ATP6V1A: variants seen among roughly 807,000 people sequenced by gnomAD.
The protein encoded by ATP6V1A is V-type proton ATPase catalytic subunit A.
ATP6V1A carries 18 observed loss-of-function variants against 70.1 expected under a neutral mutation model. The ratio of observed to expected loss-of-function variants is 0.26; its 90% CI spans 0.18 to 0.38. ATP6V1A has a LOEUF of 0.38. ATP6V1A is among the 10% of genes least tolerant of loss of function. The probability of loss-of-function intolerance (pLI) is 1.00; values close to 1 mark genes in which losing one functional copy is unlikely to be tolerated. For missense variants in ATP6V1A, 424 were observed against 772.4 expected (o/e 0.55, Z 5.35); for synonymous variants, 232 against 253.8 (o/e 0.91, Z 0.82).
chr3:113,785,611 C>G (rs1232719851), intron 5 of ATP6V1A, among the ~76,000 whole-genome samples: 1 of 146,532 alleles, frequency 6.8e-6, no homozygotes, highest in East Asian at 2.0e-4. Flanking sequence ...TGGGCTCAAG[C>G]AGTTCTATCA....
chr3:113,766,603 A>C (rs921841456), intron 1 of ATP6V1A, among the ~76,000 whole-genome samples: 1 of 152,094 alleles, frequency 6.6e-6, no homozygotes, highest in Non-Finnish European at 1.5e-5. Flanking sequence ...CTCAGAGATC[A>C]TCTCTAGAGG....
intron 1 of ATP6V1A, among the ~76,000 whole-genome samples, chr3:113,750,465 G>A (rs1708573544): frequency 6.6e-6 from 1 of 152,140 alleles, no homozygotes; most frequent in African/African-American, 2.4e-5. Flanking sequence ...CTGGGCAACA[G>A]AGTGAGACTC....
intron 1 of ATP6V1A, among the ~76,000 whole-genome samples, chr3:113,752,543 A>G (rs761492562): frequency 2.0e-5 from 3 of 152,032 alleles, no homozygotes; most frequent in Non-Finnish European, 4.4e-5. Flanking sequence ...GCACCTAAAT[A>G]ATTCTTTCAT....
At chr3:113,802,534 G>T (rs1709225721) in intron 12 of ATP6V1A, among the ~76,000 whole-genome samples, 1 of 152,188 alleles carries the variant, frequency 6.6e-6, no homozygotes, top group South Asian at 2.1e-4. Flanking sequence ...TCCCCATGTT[G>T]TCCAAAATGG....
intron 1 of ATP6V1A, among the ~76,000 whole-genome samples, chr3:113,763,080 T>C (rs1291979709): frequency 6.6e-6 from 1 of 151,884 alleles, no homozygotes; most frequent in Admixed American, 6.6e-5. Flanking sequence ...TCTCTTTCCT[T>C]TTTACCTTCC....
At chr3:113,778,466 G>A (rs899714456) in intron 1 of ATP6V1A, among the ~76,000 whole-genome samples, 2 of 152,084 alleles carry the variant, frequency 1.3e-5, no homozygotes, top group East Asian at 1.9e-4. Context: ...ATAGCTACTT[G>A]GGAGGCTGAG....
intron 13 of ATP6V1A, among the ~76,000 whole-genome samples, 161 bp downstream of exon 13, chr3:113,803,838 TC>T (rs1010784611): frequency 1.3e-5 from 2 of 152,322 alleles, no homozygotes; most frequent in African/African-American, 4.8e-5. Context: ...ATCTAATATG[TC>T]CCCTATCTTG....
At chr3:113,781,300 T>C in intron 3 of ATP6V1A, 122 bp downstream of exon 3, 1 of 1,128,112 alleles carries the variant, frequency 8.9e-7, no homozygotes, top group Non-Finnish European at 1.2e-6. Flanking sequence ...GTGGATCACC[T>C]GAGGTCAGGA....
intron 14 of ATP6V1A, 90 bp downstream of exon 14, chr3:113,805,615 C>T (rs1709267938): frequency 4.6e-6 from 6 of 1,302,458 alleles, no homozygotes; most frequent in Non-Finnish European, 6.4e-6. Flanking sequence ...TGTTGCGAGG[C>T]TGGAGTGCAG....
chr3:113,759,660 G>A (rs1559749046), intron 1 of ATP6V1A, among the ~76,000 whole-genome samples: 1 of 152,066 alleles, frequency 6.6e-6, no homozygotes, highest in Non-Finnish European at 1.5e-5. Flanking sequence ...GTCATTCTGT[G>A]ATGGTAATAT....
At chr3:113,765,374 G>A (rs545266643) in intron 1 of ATP6V1A, among the ~76,000 whole-genome samples, 3 of 152,258 alleles carry the variant, frequency 2.0e-5, no homozygotes, top group East Asian at 1.9e-4. Context: ...GGAGGCCGAC[G>A]CGGGCAGTTC....
intron 1 of ATP6V1A, among the ~76,000 whole-genome samples, chr3:113,752,381 AG>A (rs1452402444): frequency 1.3e-5 from 2 of 151,892 alleles, no homozygotes; most frequent in African/African-American, 4.8e-5. Context: ...ATATGGAAAA[AG>A]TTGTAAGGAA....
At chr3:113,807,859 C>T (rs766186262) in intron 14 of ATP6V1A, among the ~76,000 whole-genome samples, 6 of 151,878 alleles carry the variant, frequency 4.0e-5, no homozygotes, top group Non-Finnish European at 5.9e-5. Context: ...GTTGGCCGGG[C>T]GCATTGGCTC....
intron 1 of ATP6V1A, among the ~76,000 whole-genome samples, chr3:113,773,457 A>C (rs532794335): frequency 1.3e-5 from 2 of 152,114 alleles, no homozygotes; most frequent in African/African-American, 4.8e-5. Context: ...AGAGTTAAAA[A>C]CTATAGAATC....
chr3:113,788,159 C>T (rs377314229), intron 6 of ATP6V1A, among the ~76,000 whole-genome samples: 7 of 152,238 alleles, frequency 4.6e-5, no homozygotes, highest in African/African-American at 1.7e-4. Flanking sequence ...GCGGTCCTCC[C>T]ACCTCAGTCT....
At chr3:113,776,844 C>T (rs1006538715) in intron 1 of ATP6V1A, among the ~76,000 whole-genome samples, 2 of 152,196 alleles carry the variant, frequency 1.3e-5, no homozygotes, top group Admixed American at 6.5e-5. Context: ...GTTCACTATT[C>T]CTGAATGTTT....
At chr3:113,788,133 C>A (rs1709056390) in intron 6 of ATP6V1A, among the ~76,000 whole-genome samples, 1 of 152,144 alleles carries the variant, frequency 6.6e-6, no homozygotes. Context: ...TTTGCCCAGG[C>A]TGGTCTTGGG....
chr3:113,779,887 G>C (rs986171646), intron 2 of ATP6V1A, among the ~76,000 whole-genome samples: 2 of 151,872 alleles, frequency 1.3e-5, no homozygotes, highest in Non-Finnish European at 2.9e-5. Flanking sequence ...TAAGTTCTGG[G>C]ATACATGTGC....
chr3:113,750,067 A>G (rs769004139), intron 1 of ATP6V1A, among the ~76,000 whole-genome samples: 1 of 152,236 alleles, frequency 6.6e-6, no homozygotes, highest in Non-Finnish European at 1.5e-5. Flanking sequence ...GCACTAGACT[A>G]AAAGTCAGAG....
Sources: allele counts gnomAD v4.1 joint callset (sites outside exome capture counted in the v4.1 genomes callset), GRCh38; gene constraint gnomAD v4.1.1; transcripts MANE v1.5; gene names NCBI Gene and HGNC (gene_info 2026-07-23, HGNC 2026-07-21).